The following GPC6 variants were observed in gnomAD, a reference collection of about 807,000 sequenced individuals.
GPC6 encodes glypican-6.
A neutral mutation model predicts 55.2 loss-of-function variants in GPC6; 14 were observed. The observed-to-expected ratio is 0.25, with a 90% CI of 0.17 to 0.40. The LOEUF is 0.40. Among genes scored for constraint, GPC6 ranks in the 10% least tolerant of loss-of-function variants. The pLI is 1.00. For synonymous variants in GPC6, 278 were observed against 259.6 expected (o/e 1.07, Z -0.68); for missense variants, 641 against 708.5 (o/e 0.90, Z 1.08).
exon 9 of GPC6, among the ~76,000 whole-genome samples, chr13:94,408,005 AACCCATACAAACAAAGGT>A (rs1249776043): frequency 4.6e-5 from 7 of 152,338 alleles, no homozygotes; most frequent in African/African-American, 1.7e-4. Flanking sequence ...TAAATAAAGG[AACCCATACAAACAAAGGT>A]ACCAAGAATA....
chr13:94,322,532 T>C (rs1280276397), intron 6 of GPC6, among the ~76,000 whole-genome samples: 1 of 152,150 alleles, frequency 6.6e-6, no homozygotes, highest in Non-Finnish European at 1.5e-5. Flanking sequence ...AATATTATGC[T>C]CCAGACTGCG....
intron 1 of GPC6, among the ~76,000 whole-genome samples, chr13:93,234,280 A>T (rs1237253585): frequency 6.6e-6 from 1 of 152,178 alleles, no homozygotes; most frequent in East Asian, 1.9e-4. Context: ...ACTTTCCTTC[A>T]CGTGCAACCA....
At chr13:93,699,023 A>G (rs1882578304) in intron 2 of GPC6, among the ~76,000 whole-genome samples, 1 of 152,150 alleles carries the variant, frequency 6.6e-6, no homozygotes, top group Non-Finnish European at 1.5e-5. Flanking sequence ...ACAACTTTTA[A>G]TGGGAACGAA....
At chr13:93,859,607 G>C (rs1888742364) in intron 3 of GPC6, among the ~76,000 whole-genome samples, 1 of 151,664 alleles carries the variant, frequency 6.6e-6, no homozygotes, top group African/African-American at 2.4e-5. Context: ...CCAAGAGAAA[G>C]ATAGCACGTA....
rs978132271 is a variant in GPC6 at position 94,364,828 on chromosome 13, T to C, written c.1153-17586T>C. 3.9e-5 allele frequency among the ~76,000 whole-genome samples: 6 copies of C among 152,102 alleles called. No individual in the cohort carries two copies. In the South Asian group the frequency reaches 1.0e-3, roughly 26 times the overall value. On this transcript the variant is annotated intron_variant, in intron 6 of 8. Transcript: ENST00000377047. ...CCATAAACAGACCCTAAGCAACCAATTATCTATAATATAGGGAAGCTTACA... is the reference window on the plus strand; with the variant it reads ...CCATAAACAGACCCTAAGCAACCAACTATCTATAATATAGGGAAGCTTACA...
At chr13:94,161,558 A>G (rs1888164802) in intron 4 of GPC6, among the ~76,000 whole-genome samples, 1 of 152,206 alleles carries the variant, frequency 6.6e-6, no homozygotes, top group South Asian at 2.1e-4. Flanking sequence ...CCTGTATACC[A>G]GAGCTCATCA....
At chr13:93,876,134 A>G (rs1889286260) in intron 3 of GPC6, among the ~76,000 whole-genome samples, 1 of 151,978 alleles carries the variant, frequency 6.6e-6, no homozygotes, top group South Asian at 2.1e-4. Flanking sequence ...TAGGTATGAT[A>G]TTTGTAAGTT....
intron 3 of GPC6, among the ~76,000 whole-genome samples, chr13:93,834,435 A>G (rs545498724): frequency 1.4e-4 from 22 of 152,190 alleles, no homozygotes; most frequent in Non-Finnish European, 1.9e-4. Context: ...TAAAACTCCA[A>G]AGAAATTTCA....
chr13:93,369,131 A>T (rs573722614), intron 1 of GPC6, among the ~76,000 whole-genome samples: 1 of 152,120 alleles, frequency 6.6e-6, no homozygotes, highest in Non-Finnish European at 1.5e-5. Context: ...GGGTAGAAGT[A>T]TGGGCTCCTC....
intron 2 of GPC6, among the ~76,000 whole-genome samples, chr13:93,745,688 A>G (rs1406987320): frequency 6.6e-6 from 1 of 152,206 alleles, no homozygotes; most frequent in Non-Finnish European, 1.5e-5. Context: ...TACCCACAGG[A>G]TCAGGAGGGT....
chr13:94,251,334 G>A (rs867865054), intron 4 of GPC6, among the ~76,000 whole-genome samples: 2 of 151,914 alleles, frequency 1.3e-5, no homozygotes, highest in Non-Finnish European at 2.9e-5. Flanking sequence ...AGAGCATTAG[G>A]ACAAATACTT....
chr13:93,554,338 T>G (rs1875341732), intron 2 of GPC6, among the ~76,000 whole-genome samples: 1 of 152,126 alleles, frequency 6.6e-6, no homozygotes, highest in Non-Finnish European at 1.5e-5. Context: ...TATAGGATTT[T>G]GACTCAATTC....
intron 2 of GPC6, among the ~76,000 whole-genome samples, chr13:93,819,880 A>C (rs1886985102): frequency 6.6e-6 from 1 of 152,202 alleles, no homozygotes; most frequent in Admixed American, 6.5e-5. Flanking sequence ...TTATCAATCT[A>C]ATGTGTAAAG....
intron 1 of GPC6, among the ~76,000 whole-genome samples, chr13:93,442,028 T>A (rs990084603): frequency 6.6e-6 from 1 of 152,120 alleles, no homozygotes; most frequent in East Asian, 1.9e-4. Flanking sequence ...CAGGAAAGGA[T>A]GGGCATTTGA....
intron 3 of GPC6, among the ~76,000 whole-genome samples, chr13:93,957,307 A>T (rs1028177155): frequency 2.0e-5 from 3 of 152,064 alleles, no homozygotes; most frequent in Admixed American, 1.3e-4. Context: ...GGCTTGTTAC[A>T]TGGGTGTATT....
chr13:94,360,377 C>A (rs1879002435), intron 6 of GPC6, among the ~76,000 whole-genome samples: 1 of 152,166 alleles, frequency 6.6e-6, no homozygotes, highest in South Asian at 2.1e-4. Flanking sequence ...GTATAATCCA[C>A]TGTTATACAT....
At chr13:94,123,121 T>C (rs7995314) in intron 4 of GPC6, among the ~76,000 whole-genome samples, 1,776 of 152,182 alleles carry the variant, frequency 0.012, 32 homozygotes, top group African/African-American at 0.04. Context: ...CTTTTCAAAA[T>C]GTTAAAACTT....
At chr13:93,308,682 T>C (rs1225696590) in intron 1 of GPC6, among the ~76,000 whole-genome samples, 1 of 152,236 alleles carries the variant, frequency 6.6e-6, no homozygotes, top group Non-Finnish European at 1.5e-5. Flanking sequence ...CTTCAAGTGA[T>C]CTGCCCGCCT....
At chr13:94,394,796 G>A (rs563106060) in intron 7 of GPC6, among the ~76,000 whole-genome samples, 23 of 152,288 alleles carry the variant, frequency 1.5e-4, no homozygotes, top group Non-Finnish European at 2.4e-4. Flanking sequence ...ATACGGATGC[G>A]CTGTTACTTG....
Sources: gnomAD v4.1 joint callset for allele counts (sites outside exome capture counted in the v4.1 genomes callset) on GRCh38, gnomAD v4.1.1 for gene constraint, MANE v1.5 for transcripts, NCBI Gene and HGNC (gene_info 2026-07-23, HGNC 2026-07-21) for gene names.